The following COBLL1 variants were observed in gnomAD, a reference collection of about 807,000 sequenced individuals.
COBLL1 encodes cordon-bleu protein-like 1.
In COBLL1, 50 loss-of-function variants were observed where a neutral mutation model predicts 94.8. The ratio of observed to expected loss-of-function variants is 0.53; its 90% confidence interval spans 0.42 to 0.67. COBLL1 has a LOEUF of 0.67. Among genes scored for constraint, COBLL1 ranks in the 30% least tolerant of loss-of-function variants. The pLI is 0.00. For synonymous variants in COBLL1, 448 were observed against 473.8 expected, an observed-to-expected ratio of 0.95 and a Z score of 0.71; for missense variants, 1,362 against 1,348.7, an observed-to-expected ratio of 1.01 and a Z score of -0.15.
At chr2:164,665,464 TA>T (rs1303688011) in intron 2 of COBLL1, among the ~76,000 whole-genome samples, 548 of 141,418 alleles carry the variant, frequency 3.9e-3, no homozygotes, top group African/African-American at 4.2e-3. Flanking sequence ...TACTGTAGTT[TA>T]AAAAAAAAAA....
Position 164,685,827 on chromosome 2 carries a change from C to G in COBLL1, c.*119G>C, listed in dbSNP as rs770603349. On this transcript the variant is annotated 3_prime_UTR_variant, in exon 14 of 14. Transcript: ENST00000652658. ...GGCATTAAAAGCCACAACACAAATT[C>G]TAATATTTTAATAGATAATATATTA... 29 of 426,730 alleles carry G rather than the reference C, an allele frequency of 6.8e-5. No individual in the cohort carries two copies. Among genetic ancestry groups the G allele is most frequent in the Non-Finnish European group, 8.9e-5 (21 of 236,664 alleles). The allele number at this position is 426,730 out of a possible 1,614,324, so 26.4% of individuals were successfully genotyped here. A position where few individuals can be genotyped will look rare whatever the true frequency, so the allele number is the denominator to read the frequency against.
chr2:164,838,103 C>A (rs1175906691), intron 2 of COBLL1, among the ~76,000 whole-genome samples: 1 of 152,188 alleles, frequency 6.6e-6, no homozygotes, highest in Non-Finnish European at 1.5e-5. Context: ...AAGATGACCA[C>A]AGGATCAGAC....
chr2:164,805,331 C>T lies in COBLL1; in HGVS notation c.41+35825G>A, dbSNP rs2969610. The stretch of plus-strand genomic sequence containing the variant: ...TCTCTCTCTCTCTCTCTCTCTCTCT[C>T]TCTCTCTATATATATATATATATAT... On this transcript the variant is annotated intron_variant, in intron 2 of 13. Coordinates refer to ENST00000652658, the MANE Select transcript of COBLL1 (RefSeq NM_001365672.2). Among the ~76,000 whole-genome samples the T allele has an allele frequency of 4.7e-4, 10 of 21,292 alleles. 1 individual carries two copies. The highest frequency in any genetic ancestry group is 1.6e-3 in the African/African-American group (9 of 5,554). The allele number at this position is 21,292 out of a possible 152,430, so 14.0% of individuals were successfully genotyped here. A position where few individuals can be genotyped will look rare whatever the true frequency, so the allele number is the denominator to read the frequency against.
Position 164,722,218 on chromosome 2 carries a change from G to A in COBLL1, c.853C>T (p.Leu285=). 6.2e-7 allele frequency: 1 copy of A among 1,614,076 alleles called. No individual in the cohort carries two copies. Among genetic ancestry groups the A allele is most frequent in the Non-Finnish European group, 8.5e-7 (1 of 1,179,998 alleles). ...CTCTTCTTGGGTGCATCCGACGGCA[G>A]GGTGTTGGAAATATATGGTTTGGAA... ...TISKPYISNT[L]PSDAPKKRRA... Residue 285 remains leucine (L), a synonymous_variant, in exon 7 of 14, where the codon CTG becomes TTG. Transcript: ENST00000652658.
intron 2 of COBLL1, among the ~76,000 whole-genome samples, chr2:164,663,637 A>G (rs1407715050): frequency 6.6e-6 from 1 of 152,230 alleles, no homozygotes; most frequent in Non-Finnish European, 1.5e-5. Flanking sequence ...GAATGAAATC[A>G]GGCCCTTTGC....
intron 2 of COBLL1, among the ~76,000 whole-genome samples, chr2:164,809,686 T>C (rs1320053932): frequency 6.6e-6 from 1 of 152,022 alleles, no homozygotes; most frequent in Admixed American, 6.6e-5. Context: ...GTCATTTCCA[T>C]TAAACAGACT....
intron 11 of COBLL1, chr2:164,698,426 G>A (rs1048956136): frequency 3.3e-5 from 5 of 150,420 alleles, no homozygotes; most frequent in African/African-American, 7.3e-5. Flanking sequence ...ATGACATTGC[G>A]ATTATCTATG....
intron 2 of COBLL1, among the ~76,000 whole-genome samples, chr2:164,758,822 GA>G (rs952196938): frequency 4.6e-5 from 7 of 151,540 alleles, no homozygotes; most frequent in African/African-American, 1.7e-4. Flanking sequence ...AAAATTTGAA[GA>G]AAAAGTTACT....
Position 164,730,058 on chromosome 2 carries a change from T to G in COBLL1, c.288A>C (p.Ser96=), listed in dbSNP as rs1264680004. Residue 96 remains serine (S), a synonymous_variant, in exon 4 of 14, where the codon TCA becomes TCC. Coordinates refer to ENST00000652658, the MANE Select transcript of COBLL1 (RefSeq NM_001365672.2). ...FLCAQYHLNP[S]SYTIDLLSAE... Reference sequence around the variant, plus strand: ...CTGACAACAGATCGATTGTGTAACTTGATGGATTTAAGTGATACTGTGCAC... The same window carrying G: ...CTGACAACAGATCGATTGTGTAACTGGATGGATTTAAGTGATACTGTGCAC... 3.7e-6 allele frequency: 6 copies of G among 1,614,116 alleles called. No individual in the cohort carries two copies. The South Asian group carries it at 6.6e-5, about 18-fold the overall frequency.
intron 2 of COBLL1, among the ~76,000 whole-genome samples, chr2:164,799,019 C>CAAGA (rs1553479700): frequency 1.4e-5 from 1 of 69,838 alleles, no homozygotes; most frequent in Admixed American, 1.8e-4. Flanking sequence ...GACTCCGTCT[C>CAAGA]AAAAAAAAAA....
At chr2:164,698,228 T>C (rs960466007) in intron 11 of COBLL1, 1 of 151,880 alleles carries the variant, frequency 6.6e-6, no homozygotes, top group African/African-American at 2.4e-5. Context: ...GCCATCACAG[T>C]ACATGCTGTG....
intron 11 of COBLL1, chr2:164,696,942 T>G (rs1481758394): frequency 6.6e-6 from 1 of 152,156 alleles, no homozygotes; most frequent in East Asian, 1.9e-4. Flanking sequence ...GGTCAAACTG[T>G]GAAATTATGT....
chr2:164,801,857 G>A (rs1683825188), intron 2 of COBLL1, among the ~76,000 whole-genome samples: 1 of 152,154 alleles, frequency 6.6e-6, no homozygotes, highest in Non-Finnish European at 1.5e-5. Flanking sequence ...GTATATTTCT[G>A]GCAGAATAAT....
chr2:164,699,337 G>T (rs1468272620), intron 11 of COBLL1, 68 bp downstream of exon 11: 3 of 954,846 alleles, frequency 3.1e-6, no homozygotes, highest in Non-Finnish European at 5.2e-6. Flanking sequence ...TACATATAAA[G>T]TGTTAAGAAC....
intron 2 of COBLL1, among the ~76,000 whole-genome samples, chr2:164,781,473 T>C (rs1006737874): frequency 1.6e-4 from 24 of 152,246 alleles, no homozygotes; most frequent in African/African-American, 5.8e-4. Context: ...TCATGTTCAC[T>C]GTACACTTAC....
At chr2:164,788,272 G>GA (rs1190033384) in intron 2 of COBLL1, among the ~76,000 whole-genome samples, 1 of 152,164 alleles carries the variant, frequency 6.6e-6, no homozygotes, top group African/African-American at 2.4e-5. Context: ...GACAATCAGA[G>GA]AAAGAGATTT....
intron 2 of COBLL1, among the ~76,000 whole-genome samples, chr2:164,834,307 A>G (rs1683222285): frequency 6.6e-6 from 1 of 152,158 alleles, no homozygotes; most frequent in African/African-American, 2.4e-5. Flanking sequence ...TATATCAGTC[A>G]TTTTTTCTAA....
At chr2:164,828,691 C>T (rs1685552953) in intron 2 of COBLL1, among the ~76,000 whole-genome samples, 1 of 152,128 alleles carries the variant, frequency 6.6e-6, no homozygotes, top group Non-Finnish European at 1.5e-5. Flanking sequence ...TGAGACGTGG[C>T]CAGCGTGACT....
At chr2:164,812,307 G>A (rs1407588210) in intron 2 of COBLL1, among the ~76,000 whole-genome samples, 2 of 151,874 alleles carry the variant, frequency 1.3e-5, no homozygotes, top group Non-Finnish European at 2.9e-5. Flanking sequence ...CATTTTAATT[G>A]ATTCATTTTA....
Sources: allele counts gnomAD v4.1 joint callset (sites outside exome capture counted in the v4.1 genomes callset), GRCh38; gene constraint gnomAD v4.1.1; transcripts MANE v1.5; gene names NCBI Gene and HGNC (gene_info 2026-07-23, HGNC 2026-07-21).